Variants in AGBL4 observed in about 807,000 individuals in gnomAD.
AGBL4 encodes the protein AGBL carboxypeptidase 4.
Under a neutral mutation model 66.4 loss-of-function variants are expected in AGBL4, and 58 were observed. The ratio of observed to expected loss-of-function variants is 0.87; its 90% CI spans 0.71 to 1.09. The LOEUF is 1.09. Among genes scored for constraint, AGBL4 ranks in the 50% least tolerant of loss-of-function variants. The pLI, the probability that AGBL4 is intolerant of heterozygous loss-of-function variation, is 0.00. For synonymous variants in AGBL4, 234 were observed against 222.9 expected, an observed-to-expected ratio of 1.05 and a Z score of -0.44; for missense variants, 579 against 631.0, an observed-to-expected ratio of 0.92 and a Z score of 0.88.
At chr1:48,710,068 G>A (rs555677038) in intron 6 of AGBL4, among the ~76,000 whole-genome samples, 32 of 152,288 alleles carry the variant, frequency 2.1e-4, no homozygotes, top group Admixed American at 9.8e-4. Context: ...GGGTGATGAA[G>A]ACAGCATTCA....
chr1:49,350,455 G>A (rs796421253), intron 3 of AGBL4, among the ~76,000 whole-genome samples: 2 of 151,848 alleles, frequency 1.3e-5, no homozygotes, highest in South Asian at 2.1e-4. Flanking sequence ...CGCCCGCCTC[G>A]GCCTCCCAAA....
At chr1:49,295,382 G>A (rs1489394825) in intron 3 of AGBL4, among the ~76,000 whole-genome samples, 1 of 152,138 alleles carries the variant, frequency 6.6e-6, no homozygotes, top group Non-Finnish European at 1.5e-5. Flanking sequence ...GGTAGATCAG[G>A]GATGTTTTCC....
chr1:49,831,551 T>C (rs1002965760), intron 2 of AGBL4, among the ~76,000 whole-genome samples: 9 of 152,210 alleles, frequency 5.9e-5, no homozygotes, highest in South Asian at 4.1e-4. Flanking sequence ...CATGTCAATA[T>C]GCAAATAGAG....
intron 3 of AGBL4, among the ~76,000 whole-genome samples, chr1:49,578,542 G>T (rs1644480601): frequency 6.6e-6 from 1 of 152,120 alleles, no homozygotes; most frequent in Admixed American, 6.6e-5. Context: ...TTTCCTGCTT[G>T]GTTTGTTAAA....
intron 2 of AGBL4, among the ~76,000 whole-genome samples, chr1:49,800,285 G>A (rs1376210076): frequency 1.3e-5 from 2 of 151,822 alleles, no homozygotes; most frequent in Non-Finnish European, 2.9e-5. Context: ...CTCACTTTTT[G>A]TCCCTTGCTG....
At chr1:49,716,409 T>A (rs930758016) in intron 2 of AGBL4, among the ~76,000 whole-genome samples, 1 of 152,122 alleles carries the variant, frequency 6.6e-6, no homozygotes, top group Admixed American at 6.6e-5. Context: ...TTCTTCTTTT[T>A]CCTTAGGATT....
At chr1:49,430,520 T>A (rs951579266) in intron 3 of AGBL4, among the ~76,000 whole-genome samples, 12 of 152,128 alleles carry the variant, frequency 7.9e-5, no homozygotes, top group Admixed American at 7.2e-4. Flanking sequence ...TAATTTTGAA[T>A]AAACAAATTA....
intron 6 of AGBL4, among the ~76,000 whole-genome samples, chr1:48,709,555 C>A (rs1378476939): frequency 4.0e-5 from 6 of 149,402 alleles, no homozygotes; most frequent in African/African-American, 9.8e-5. Flanking sequence ...CAACAGCTAA[C>A]CTTTAGTGAG....
At chr1:48,890,327 T>A (rs1650815117) in intron 5 of AGBL4, among the ~76,000 whole-genome samples, 1 of 152,228 alleles carries the variant, frequency 6.6e-6, no homozygotes, top group South Asian at 2.1e-4. Flanking sequence ...GTAAAACCTT[T>A]ATCTGAGTCT....
intron 5 of AGBL4, among the ~76,000 whole-genome samples, chr1:49,038,694 C>G (rs1489179260): frequency 6.6e-6 from 1 of 151,974 alleles, no homozygotes; most frequent in African/African-American, 2.4e-5. Context: ...AGAACACTGA[C>G]AACACTACAT....
At chr1:49,409,020 G>T (rs1400698665) in intron 3 of AGBL4, among the ~76,000 whole-genome samples, 1 of 152,152 alleles carries the variant, frequency 6.6e-6, no homozygotes, top group Non-Finnish European at 1.5e-5. Context: ...GCTTACAGAA[G>T]TTAAACAATA....
At chr1:48,604,082 G>A (rs185656056) in intron 9 of AGBL4, among the ~76,000 whole-genome samples, 11 of 152,218 alleles carry the variant, frequency 7.2e-5, no homozygotes, top group East Asian at 1.9e-4. Flanking sequence ...GCAGTGAGCC[G>A]AGTTGGCACC....
intron 3 of AGBL4, among the ~76,000 whole-genome samples, chr1:49,384,514 A>AC (rs982029344): frequency 6.6e-6 from 1 of 152,048 alleles, no homozygotes; most frequent in African/African-American, 2.4e-5. Context: ...AATTGCTGGA[A>AC]CCTGGGAGGC....
intron 3 of AGBL4, among the ~76,000 whole-genome samples, chr1:49,524,681 C>T (rs989796087): frequency 2.0e-5 from 3 of 151,888 alleles, no homozygotes; most frequent in Admixed American, 2.0e-4. Context: ...CCATACAATC[C>T]ATCCCTCTCT....
intron 1 of AGBL4, among the ~76,000 whole-genome samples, chr1:49,905,779 T>C (rs74078100): frequency 0.019 from 2,829 of 152,244 alleles, 79 homozygotes; most frequent in African/African-American, 0.063. Flanking sequence ...ATTATTAATA[T>C]GACCAATAAT....
intron 3 of AGBL4, among the ~76,000 whole-genome samples, chr1:49,380,598 T>C (rs1644580823): frequency 6.6e-6 from 1 of 152,036 alleles, no homozygotes; most frequent in Admixed American, 6.6e-5. Context: ...CAAACTATAC[T>C]ACAAGGCTAT....
At chr1:49,386,380 T>A (rs1010345534) in intron 3 of AGBL4, among the ~76,000 whole-genome samples, 2 of 151,836 alleles carry the variant, frequency 1.3e-5, no homozygotes, top group African/African-American at 4.8e-5. Flanking sequence ...TTGCAAAGAC[T>A]ATGCATGGAA....
At chr1:50,010,250 T>A (rs147807700) in intron 1 of AGBL4, among the ~76,000 whole-genome samples, 1,806 of 151,688 alleles carry the variant, frequency 0.012, 19 homozygotes, top group Non-Finnish European at 0.018. Flanking sequence ...GAGGTTGCAG[T>A]GAGCCAAAAT....
chr1:49,134,892 G>T (rs1440731552), intron 4 of AGBL4, among the ~76,000 whole-genome samples: 1 of 152,146 alleles, frequency 6.6e-6, no homozygotes, highest in South Asian at 2.1e-4. Flanking sequence ...CACAATTTAT[G>T]TTCTTCTGTC....
Sources: allele counts gnomAD v4.1 joint callset (sites outside exome capture counted in the v4.1 genomes callset), GRCh38; gene constraint gnomAD v4.1.1; transcripts MANE v1.5; gene names NCBI Gene and HGNC (gene_info 2026-07-23, HGNC 2026-07-21).